Variants in SOX6 observed in about 807,000 individuals in gnomAD.
SOX6 encodes the protein transcription factor SOX-6.
A neutral mutation model predicts 97.8 loss-of-function variants in SOX6; 11 were observed. The observed-to-expected ratio is 0.11, with a 90% CI of 0.07 to 0.19. The LOEUF is 0.19. Ranked by LOEUF, SOX6 falls within the 10% of genes least tolerant of loss-of-function variation. The pLI is 1.00. For synonymous variants in SOX6, 360 were observed against 371.4 expected (o/e 0.97, Z 0.35); for missense variants, 810 against 1,039.5 (o/e 0.78, Z 3.04).
chr11:16,046,102 G>A, intron 12 of SOX6, among the ~76,000 whole-genome samples: 1 of 152,098 alleles, frequency 6.6e-6, no homozygotes, highest in East Asian at 1.9e-4. Flanking sequence ...TTTTTGTCCT[G>A]GTTGACAGGA....
At chr11:16,056,280 A>G (rs1299859303) in intron 9 of SOX6, among the ~76,000 whole-genome samples, 2 of 152,120 alleles carry the variant, frequency 1.3e-5, no homozygotes, top group African/African-American at 2.4e-5. Flanking sequence ...CTTGTTTAAT[A>G]TTAATATTCA....
chr11:16,396,720 G>A (rs1858369695), intron 1 of SOX6, among the ~76,000 whole-genome samples: 1 of 151,426 alleles, frequency 6.6e-6, no homozygotes, highest in Non-Finnish European at 1.5e-5. Context: ...GTTCATTTTT[G>A]TAATATGAAG....
chr11:16,605,833 C>T lies in SOX6; in HGVS notation n.609+6248G>A. 1 of 152,244 alleles carries T rather than the reference C, an allele frequency of 6.6e-6. No homozygotes were observed. Among genetic ancestry groups the T allele is most frequent in the Non-Finnish European group, 1.5e-5 (1 of 68,032 alleles). The allele number at this position is 152,244 out of a possible 1,614,324, so 9.4% of individuals were successfully genotyped here. On this transcript the variant is annotated intron_variant and non_coding_transcript_variant, in intron 4 of 5. Coordinates refer to the SOX6 transcript ENST00000524520. This position sits in a 1 kb window ranked among gnomAD's most constrained non-coding sequence, Gnocchi z 5.3. Reference sequence around the variant, plus strand: ...CACTGAAGCGCTCCGAACACTGTGGCGTCTCAGTCACACAGCGAATCAACC... The same window carrying T: ...CACTGAAGCGCTCCGAACACTGTGGTGTCTCAGTCACACAGCGAATCAACC...
In SOX6 at chr11:16,053,646, C is replaced by G. The variant is rs1416678150; in HGVS notation, c.1251+2106G>C. Among the ~76,000 whole-genome samples, 5 of 152,100 alleles carry G rather than the reference C, an allele frequency of 3.3e-5. No homozygotes were observed. In the East Asian group the frequency reaches 7.7e-4, roughly 23 times the overall value. On this transcript the variant is annotated intron_variant, in intron 10 of 15. Transcript: ENST00000683767. ...AAAAGTGGTAGAACCAGTATTTTAACAGAAACATTCTGACTTCTGATGTTG... is the reference window on the plus strand; with the variant it reads ...AAAAGTGGTAGAACCAGTATTTTAAGAGAAACATTCTGACTTCTGATGTTG...
At chr11:16,287,257 GTCTC>G (rs56921161) in intron 3 of SOX6, among the ~76,000 whole-genome samples, 198 of 120,562 alleles carry the variant, frequency 1.6e-3, no homozygotes, top group African/African-American at 6.1e-3. Flanking sequence ...TCTTCTCTCT[GTCTC>G]TCTCTCTCTC....
At chr11:16,076,969 G>A (rs1054800219) in intron 9 of SOX6, among the ~76,000 whole-genome samples, 2 of 151,498 alleles carry the variant, frequency 1.3e-5, no homozygotes, top group East Asian at 2.0e-4. Context: ...TAGCCAGGAT[G>A]GTCTCGATCT....
chr11:15,970,773 A>G lies in SOX6; in HGVS notation c.*2036T>C, dbSNP rs11023803. 6.6e-6 allele frequency: 1 copy of G among 152,618 alleles called. No homozygotes were observed. Among genetic ancestry groups the G allele is most frequent in the Non-Finnish European group, 1.5e-5 (1 of 68,044 alleles). 9.5% of individuals were successfully genotyped at this position (152,618 alleles called of 1,614,324 possible). A position where few individuals can be genotyped will look rare whatever the true frequency, so the allele number is the denominator to read the frequency against. On this transcript the variant is annotated 3_prime_UTR_variant, in exon 16 of 16. Transcript: ENST00000683767. ...CACTCTTAAATAAATACAAAGGTACACTATTTTCTTCCAAGTGACAAAATG... is the reference window on the plus strand; with the variant it reads ...CACTCTTAAATAAATACAAAGGTACGCTATTTTCTTCCAAGTGACAAAATG...
chr11:16,552,881 G>A (rs559428631), intron 4 of SOX6, among the ~76,000 whole-genome samples: 62 of 152,220 alleles, frequency 4.1e-4, no homozygotes, highest in South Asian at 8.3e-4. Context: ...GTCTGACACA[G>A]TTGGAGAACC....
At chr11:15,982,084 T>C (rs1382318250) in intron 15 of SOX6, among the ~76,000 whole-genome samples, 1 of 152,026 alleles carries the variant, frequency 6.6e-6, no homozygotes, top group African/African-American at 2.4e-5. Context: ...GATCTAGTAT[T>C]TGAGCCAGAC....
At chr11:16,405,464 GATGA>G (rs1358962926) in intron 1 of SOX6, among the ~76,000 whole-genome samples, 3 of 152,002 alleles carry the variant, frequency 2.0e-5, no homozygotes, top group Non-Finnish European at 4.4e-5. Context: ...TACAGCTTCA[GATGA>G]ATGGAGGGAC....
intron 1 of SOX6, among the ~76,000 whole-genome samples, chr11:16,407,515 A>G (rs1858712334): frequency 6.6e-6 from 1 of 152,186 alleles, no homozygotes; most frequent in Admixed American, 6.6e-5. Context: ...CCCTACATGT[A>G]GCTTTAGGGA....
At chr11:16,641,160 GT>G (rs1359463892) in intron 3 of SOX6, among the ~76,000 whole-genome samples, 1 of 152,138 alleles carries the variant, frequency 6.6e-6, no homozygotes, top group Non-Finnish European at 1.5e-5. Context: ...CCTTCATTTC[GT>G]TATGTACCCA....
chr11:16,548,177 A>C (rs1187732342), intron 4 of SOX6, among the ~76,000 whole-genome samples: 2 of 152,166 alleles, frequency 1.3e-5, no homozygotes, highest in East Asian at 3.8e-4. Flanking sequence ...TTTAGGCAAA[A>C]ATATCTTTCT....
intron 3 of SOX6, among the ~76,000 whole-genome samples, chr11:16,296,872 A>G (rs1007025231): frequency 1.3e-5 from 2 of 152,100 alleles, no homozygotes; most frequent in African/African-American, 2.4e-5. Flanking sequence ...AAGCAGAAAT[A>G]TAATAGTGGA....
chr11:16,610,213 T>C lies in SOX6; in HGVS notation n.609+1868A>G, dbSNP rs1463117378. On this transcript the variant is annotated intron_variant and non_coding_transcript_variant, in intron 4 of 5. Transcript: ENST00000524520. The surrounding 1 kb of genome is among the most constrained non-coding windows in gnomAD (Gnocchi z 4.4). ...TCTCCAAAGCCTAAAGAGGTCATCA[T>C]TGAAGGACCTGTCCTAAATGCCTGC... 2.0e-5 allele frequency among the ~76,000 whole-genome samples: 3 copies of C among 152,170 alleles called. No individual in the cohort carries two copies. The highest frequency in any genetic ancestry group is 2.1e-4 in the South Asian group (1 of 4,830).
At position 15,972,709 on chromosome 11, in the gene SOX6, G is replaced by A. The variant is rs1350557458; in HGVS notation, c.*100C>T. 4.8e-6 allele frequency: 6 copies of A among 1,254,218 alleles called. No individual in the cohort carries two copies. Among genetic ancestry groups the A allele is most frequent in the Admixed American group, 1.7e-5 (1 of 58,948 alleles). The allele number at this position is 1,254,218 out of a possible 1,614,324, so 77.7% of individuals were successfully genotyped here. On this transcript the variant is annotated 3_prime_UTR_variant, in exon 16 of 16. Coordinates refer to ENST00000683767, the MANE Select transcript of SOX6 (RefSeq NM_001367873.1). ...AAACAATTAAGACCATTCTGCTGAT[G>A]TAATTGTGGAGCCACAAATGCATGC...
At chr11:16,069,505 G>A (rs532661618) in intron 9 of SOX6, among the ~76,000 whole-genome samples, 14 of 152,070 alleles carry the variant, frequency 9.2e-5, no homozygotes, top group Non-Finnish European at 1.5e-4. Flanking sequence ...ACAAGTACTC[G>A]TAAAGCAATC....
intron 6 of SOX6, among the ~76,000 whole-genome samples, chr11:16,121,084 C>T (rs546629116): frequency 1.3e-5 from 2 of 152,194 alleles, no homozygotes; most frequent in South Asian, 2.1e-4. Context: ...TCTCAGCATA[C>T]TGTATGTACT....
At chr11:16,378,722 T>G (rs1275797331) in intron 1 of SOX6, among the ~76,000 whole-genome samples, 1 of 152,004 alleles carries the variant, frequency 6.6e-6, no homozygotes, top group Non-Finnish European at 1.5e-5. Context: ...CTAAAAATGG[T>G]TCTAAAGGCA....
Sources: gnomAD v4.1 joint callset for allele counts (sites outside exome capture counted in the v4.1 genomes callset) on GRCh38, gnomAD v4.1.1 for gene constraint, Gnocchi (gnomAD v3.1) non-coding constraint, MANE v1.5 for transcripts, NCBI Gene and HGNC (gene_info 2026-07-23, HGNC 2026-07-21) for gene names.